Variants in GNPDA1 observed in about 807,000 individuals in gnomAD.
The protein encoded by GNPDA1 is GNPDA 1.
Under a neutral mutation model 28.5 loss-of-function variants are expected in GNPDA1, and 24 were observed. The ratio of observed to expected loss-of-function variants is 0.84; its 90% CI spans 0.61 to 1.19. The LOEUF (loss-of-function observed/expected upper bound fraction) is 1.19, where lower values mean the gene tolerates loss of function less well. Among genes scored for constraint, GNPDA1 ranks in the 50% most tolerant of loss-of-function variants. The probability of loss-of-function intolerance (pLI) is 0.00; values close to 1 mark genes in which losing one functional copy is unlikely to be tolerated. For synonymous variants in GNPDA1, 147 were observed against 139.3 expected, an observed-to-expected ratio of 1.06 and a Z score of -0.39; for missense variants, 264 against 367.3, an observed-to-expected ratio of 0.72 and a Z score of 2.30.
chr5:142,003,124 A>G lies in GNPDA1; in HGVS notation c.733T>C (p.Leu245=), dbSNP rs777849617. 42 of 1,614,000 alleles carry G rather than the reference A, an allele frequency of 2.6e-5. No homozygotes were observed. The highest frequency in any genetic ancestry group is 1.6e-4 in the Middle Eastern group (1 of 6,062). Residue 245 remains leucine (L), a synonymous_variant, in exon 6 of 7, where the codon TTG becomes CTG. Coordinates refer to ENST00000311337, the MANE Select transcript of GNPDA1 (RefSeq NM_005471.5). The surrounding 1 kb of genome is among the most constrained non-coding windows in gnomAD (Gnocchi z 4.0). ...TVFVCDEDAT[L]ELKVKTVKYF... Reference sequence around the variant, plus strand: ...TTGACAGTCTTCACTTTCAGCTCCAAGGTGGCATCCTCGTCACACACAAAC... The same window carrying G: ...TTGACAGTCTTCACTTTCAGCTCCAGGGTGGCATCCTCGTCACACACAAAC...
chr5:142,012,996 C>G lies in GNPDA1; in HGVS notation c.-8G>C, dbSNP rs1021913374. 6.6e-5 allele frequency: 10 copies of G among 151,484 alleles called. No homozygotes were observed. The highest frequency in any genetic ancestry group is 2.4e-4 in the African/African-American group (10 of 41,372). 9.4% of individuals were successfully genotyped at this position (151,484 alleles called of 1,614,324 possible). The stretch of plus-strand genomic sequence containing the variant: ...CCGCCAGCCCTGCTACCCACTTACA[C>G]GGACGCCTCCCGCGGCGGCTGCAGC... On this transcript the variant is annotated splice_region_variant and 5_prime_UTR_variant, in exon 1 of 7. Coordinates refer to ENST00000311337, the MANE Select transcript of GNPDA1 (RefSeq NM_005471.5).
At chr5:142,005,754 C>A (rs1755786931) in intron 4 of GNPDA1, among the ~76,000 whole-genome samples, 1 of 152,168 alleles carries the variant, frequency 6.6e-6, no homozygotes, top group Admixed American at 6.5e-5. Flanking sequence ...CACCTGTGAA[C>A]CTTGAGTGAG....
At chr5:142,007,670 T>G in intron 3 of GNPDA1, 129 bp downstream of exon 3, 1 of 666,370 alleles carries the variant, frequency 1.5e-6, no homozygotes. Context: ...AACCAAGAGG[T>G]AAGTATTGAT....
chr5:142,011,126 TC>T (rs1489636160), intron 2 of GNPDA1, among the ~76,000 whole-genome samples: 2 of 151,968 alleles, frequency 1.3e-5, no homozygotes, highest in African/African-American at 2.4e-5. Context: ...ATAGCTGCTT[TC>T]AAACAACAGA....
In GNPDA1 at chr5:142,012,020, G is replaced by C. The variant is rs753862572; in HGVS notation, c.16C>G (p.Leu6Val). The C allele has an allele frequency of 1.2e-5, 19 of 1,602,620 alleles. No homozygotes were observed. Among genetic ancestry groups the C allele is most frequent in the Middle Eastern group, 1.7e-4 (1 of 6,012 alleles). MKLII[L>V]EHYSQASEWA... is the part of the protein sequence containing the mutation. ...TCGCTCGCCTGAGAATAGTGCTCCAGGATGATGAGCTTCATCTTGTCCTGC... is the reference window on the plus strand; with the variant it reads ...TCGCTCGCCTGAGAATAGTGCTCCACGATGATGAGCTTCATCTTGTCCTGC... The change falls in exon 2 of 7, where the codon CTG (leucine) becomes GTG (valine). Residue 6 changes from leucine (L) to valine (V), a missense_variant. Transcript: ENST00000311337.
rs113769042 is a variant in GNPDA1 at position 142,007,550 on chromosome 5, A to G, written c.226+249T>C. Among the ~76,000 whole-genome samples the G allele has an allele frequency of 7.4e-4, 112 of 152,342 alleles. 1 individual carries two copies. The highest frequency in any genetic ancestry group is 2.5e-3 in the African/African-American group (104 of 41,568). On this transcript the variant is annotated intron_variant, in intron 3 of 6. Transcript: ENST00000311337. ...GGAGATACTCTAATATTTATTAAGTATTTGTTATGTATAAGAAACTTCCAC... is the reference window on the plus strand; with the variant it reads ...GGAGATACTCTAATATTTATTAAGTGTTTGTTATGTATAAGAAACTTCCAC...
At chr5:142,007,430 A>T (rs1468440469) in intron 3 of GNPDA1, among the ~76,000 whole-genome samples, 1 of 152,160 alleles carries the variant, frequency 6.6e-6, no homozygotes, top group Non-Finnish European at 1.5e-5. Context: ...AAGCACAGAC[A>T]CAGATCCTAG....
At chr5:142,012,194 TAA>T in intron 1 of GNPDA1, 153 bp from the exon 2 acceptor site, 1 of 698,864 alleles carries the variant, frequency 1.4e-6, no homozygotes, top group South Asian at 2.2e-5. Context: ...ACAGAGGAGC[TAA>T]GAGGCTAGGC....
chr5:142,011,471 G>A lies in GNPDA1; in HGVS notation c.124+441C>T, dbSNP rs1284570405. On this transcript the variant is annotated intron_variant, in intron 2 of 6. Transcript: ENST00000311337. Reference sequence around the variant, plus strand: ...GAACTGTTTTTTATTTAGGTCCTGTGTTTAATTAAGCCTTACAGAAAATTA... The same window carrying A: ...GAACTGTTTTTTATTTAGGTCCTGTATTTAATTAAGCCTTACAGAAAATTA... 2.6e-5 allele frequency among the ~76,000 whole-genome samples: 4 copies of A among 152,264 alleles called. No individual in the cohort carries two copies. The East Asian group carries it at 7.7e-4, about 29-fold the overall frequency.
At position 142,003,679 on chromosome 5, in the gene GNPDA1, C is replaced by T. The variant is rs140039404; in HGVS notation, c.595-417G>A. ...CCAACCTGCACCACCAGCAAGGGCA[C>T]TTTGCAAGCAATGGTGGGAGTTATC... On this transcript the variant is annotated intron_variant, in intron 5 of 6. Transcript: ENST00000311337. The surrounding 1 kb of genome is among the most constrained non-coding windows in gnomAD (Gnocchi z 4.0). 9.8e-5 allele frequency among the ~76,000 whole-genome samples: 15 copies of T among 152,350 alleles called. No homozygotes were observed. The East Asian group carries it at 2.9e-3, about 29-fold the overall frequency.
rs7408 is a variant in GNPDA1 at position 142,000,783 on chromosome 5, C to T, written c.*1246G>A. 0.57 allele frequency: 86,423 copies of T among 152,174 alleles called. 25,622 individuals are homozygous for T. Among genetic ancestry groups the T allele is most frequent in the East Asian group, 0.97 (5,141 of 5,308 alleles). 9.4% of individuals were successfully genotyped at this position (152,174 alleles called of 1,614,324 possible). A position where few individuals can be genotyped will look rare whatever the true frequency, so the allele number is the denominator to read the frequency against. ...TCACATAGAAAAGCTAAAGACAAAA[C>T]ACTGGTACCAAACATAGCCCTTAGG... On this transcript the variant is annotated 3_prime_UTR_variant, in exon 7 of 7. Transcript: ENST00000311337.
chr5:142,012,267 A>T (rs1015220909), intron 1 of GNPDA1: 1 of 399,806 alleles, frequency 2.5e-6, no homozygotes, highest in Admixed American at 3.5e-5. Context: ...TCTGGGTTCT[A>T]ATCTCAGCTC....
intron 5 of GNPDA1, among the ~76,000 whole-genome samples, chr5:142,004,353 G>A (rs1357606171): frequency 6.6e-6 from 1 of 152,202 alleles, no homozygotes; most frequent in Non-Finnish European, 1.5e-5. Context: ...ATACACGTCA[G>A]AAAGGAAGAG....
chr5:142,010,771 C>T lies in GNPDA1; in HGVS notation c.124+1141G>A, dbSNP rs1404471369. ...TCCAGCAATCTGCCTACCTCAGCCT[C>T]CCAAAGTGCTGAAATTACAGATATG... On this transcript the variant is annotated intron_variant, in intron 2 of 6. Transcript: ENST00000311337. 2.0e-5 allele frequency among the ~76,000 whole-genome samples: 3 copies of T among 152,216 alleles called. No homozygotes were observed. The East Asian group carries it at 5.8e-4, about 29-fold the overall frequency.
chr5:142,005,122 G>C lies in GNPDA1; in HGVS notation c.410-6C>G. Reference sequence around the variant, plus strand: ...GTGTCCATCAGGGCCGATGCCTATAGGGAGAGAGCCCGTGCAGCCCTGTCA... The same window carrying C: ...GTGTCCATCAGGGCCGATGCCTATACGGAGAGAGCCCGTGCAGCCCTGTCA... On this transcript the variant is annotated splice_region_variant and splice_polypyrimidine_tract_variant and intron_variant, in intron 4 of 6. Coordinates refer to ENST00000311337, the MANE Select transcript of GNPDA1 (RefSeq NM_005471.5). 6.3e-7 allele frequency: 1 copy of C among 1,583,850 alleles called. No homozygotes were observed. Among genetic ancestry groups the C allele is most frequent in the East Asian group, 2.3e-5 (1 of 44,142 alleles).
In GNPDA1 at chr5:142,005,130, G is replaced by C. The variant is rs775057845; in HGVS notation, c.410-14C>G. On this transcript the variant is annotated splice_polypyrimidine_tract_variant and intron_variant, in intron 4 of 6. Coordinates refer to ENST00000311337, the MANE Select transcript of GNPDA1 (RefSeq NM_005471.5). ...CAGGGCCGATGCCTATAGGGAGAGA[G>C]CCCGTGCAGCCCTGTCAGTCCCAGG... 2 of 1,566,210 alleles carry C rather than the reference G, an allele frequency of 1.3e-6. No individual in the cohort carries two copies. The highest frequency in any genetic ancestry group is 2.3e-5 in the East Asian group (1 of 43,858).
intron 3 of GNPDA1, among the ~76,000 whole-genome samples, chr5:142,007,087 G>A (rs1755824832): frequency 6.6e-6 from 1 of 152,140 alleles, no homozygotes; most frequent in African/African-American, 2.4e-5. Context: ...AGTGGGAAAT[G>A]AGAAGTTGTT....
chr5:142,001,860 G>T lies in GNPDA1; in HGVS notation c.*169C>A. The T allele has an allele frequency of 2.3e-6, 1 of 439,664 alleles. No homozygotes were observed. Among genetic ancestry groups the T allele is most frequent in the South Asian group, 6.2e-5 (1 of 16,054 alleles). 27.2% of individuals were successfully genotyped at this position (439,664 alleles called of 1,614,324 possible). ...TTAAGTTACAAACATTCTCCCTATA[G>T]CTAAACTCCGTGACTAGGCTCCCAG... On this transcript the variant is annotated 3_prime_UTR_variant, in exon 7 of 7. Transcript: ENST00000311337.
At position 142,003,148 on chromosome 5, in the gene GNPDA1, A is replaced by G; in HGVS notation, c.709T>C (p.Phe237Leu). 1 of 1,614,028 alleles carries G rather than the reference A, an allele frequency of 6.2e-7. No individual in the cohort carries two copies. Among genetic ancestry groups the G allele is most frequent in the South Asian group, 1.1e-5 (1 of 91,078 alleles). ...AAGGTGGCATCCTCGTCACACACAA[A>G]CACGGTGCGGGGATGCTGCTGGAAG... ...SAFQQHPRTVFVCDEDATLEL... is the reference protein window; with the variant it reads ...SAFQQHPRTVLVCDEDATLEL... The change falls in exon 6 of 7, where the codon TTT (phenylalanine) becomes CTT (leucine). Residue 237 changes from phenylalanine to leucine, a missense_variant. Coordinates refer to ENST00000311337, the MANE Select transcript of GNPDA1 (RefSeq NM_005471.5). The surrounding 1 kb of genome is among the most constrained non-coding windows in gnomAD (Gnocchi z 4.0).
Sources: allele counts gnomAD v4.1 joint callset (sites outside exome capture counted in the v4.1 genomes callset), GRCh38; gene constraint gnomAD v4.1.1; non-coding constraint Gnocchi (gnomAD v3.1); transcripts MANE v1.5; gene names NCBI Gene and HGNC (gene_info 2026-07-23, HGNC 2026-07-21).